The following WSCD2 variants were observed in gnomAD, a reference collection of about 807,000 sequenced individuals.
WSCD2 encodes the protein sialate:O-sulfotransferase 2.
WSCD2 carries 28 observed loss-of-function variants against 55.7 expected under a neutral mutation model. The observed-to-expected ratio is 0.50, with a 90% CI of 0.37 to 0.69. WSCD2 has a LOEUF of 0.69. WSCD2 is among the 30% of genes least tolerant of loss of function. The pLI is 0.00. For synonymous variants in WSCD2, 301 were observed against 301.9 expected (o/e 1.00, Z 0.03); for missense variants, 616 against 762.1 (o/e 0.81, Z 2.26).
chr12:108,219,612 C>T (rs1430842338), intron 4 of WSCD2, among the ~76,000 whole-genome samples: 1 of 152,190 alleles, frequency 6.6e-6, no homozygotes, highest in African/African-American at 2.4e-5. Flanking sequence ...TGCACAAACA[C>T]CACTCACTTC....
intron 1 of WSCD2, among the ~76,000 whole-genome samples, chr12:108,130,477 T>G (rs200371570): frequency 0.01 from 217 of 21,318 alleles, 1 homozygote; most frequent in Middle Eastern, 0.029. Flanking sequence ...CATTCTGGGG[T>G]GTGTGTGTGT....
At chr12:108,226,872 A>T in intron 5 of WSCD2, 118 bp from the exon 6 acceptor site, 1 of 1,269,222 alleles carries the variant, frequency 7.9e-7, no homozygotes, top group Non-Finnish European at 1.1e-6. Flanking sequence ...CCCTCAAGTT[A>T]AGGGAGACTG....
At chr12:108,131,467 C>CCA (rs1341780293) in intron 1 of WSCD2, among the ~76,000 whole-genome samples, 1 of 152,220 alleles carries the variant, frequency 6.6e-6, no homozygotes, top group Non-Finnish European at 1.5e-5. Context: ...CACGCTTCGG[C>CCA]TCCTCCACTG....
chr12:108,153,437 G>A (rs2136919893), intron 1 of WSCD2, among the ~76,000 whole-genome samples: 1 of 152,350 alleles, frequency 6.6e-6, no homozygotes, highest in East Asian at 1.9e-4. Context: ...AACCTTGGAA[G>A]AGTGATGGCA....
rs548240220 is a variant in WSCD2 at position 108,163,864 on chromosome 12, C to T, written c.-551-31418C>T. Among the ~76,000 whole-genome samples the T allele has an allele frequency of 8.1e-4, 123 of 152,134 alleles. 3 individuals are homozygous for T. In the Middle Eastern group the frequency reaches 0.017, roughly 21 times the overall value. On this transcript the variant is annotated intron_variant, in intron 1 of 8. Transcript: ENST00000547525. ...TAGAATGAACTTATGTTTTTTTAAG[C>T]TAGTAAGTTTGTGGTCATATGTTAC...
intron 4 of WSCD2, among the ~76,000 whole-genome samples, chr12:108,219,772 C>T (rs1593064091): frequency 6.6e-6 from 1 of 152,224 alleles, no homozygotes; most frequent in Admixed American, 6.5e-5. Flanking sequence ...AGGACAACCC[C>T]AAAGGGGCCT....
intron 2 of WSCD2, among the ~76,000 whole-genome samples, chr12:108,198,369 T>G (rs1046849850): frequency 6.6e-6 from 1 of 152,180 alleles, no homozygotes; most frequent in Non-Finnish European, 1.5e-5. Context: ...TTCCTCCAAG[T>G]CTCATCTTTG....
chr12:108,150,659 G>A (rs761671810), intron 1 of WSCD2, among the ~76,000 whole-genome samples: 1 of 152,124 alleles, frequency 6.6e-6, no homozygotes, highest in African/African-American at 2.4e-5. Flanking sequence ...GCAGGACCCC[G>A]ATATGCAGTC....
intron 1 of WSCD2, among the ~76,000 whole-genome samples, chr12:108,189,038 C>T (rs934094476): frequency 2.6e-5 from 4 of 151,978 alleles, no homozygotes; most frequent in African/African-American, 4.8e-5. Context: ...TTTATCATAG[C>T]GTTACTTATT....
intron 7 of WSCD2, among the ~76,000 whole-genome samples, chr12:108,238,390 G>A (rs1195613035): frequency 6.6e-6 from 1 of 152,206 alleles, no homozygotes. Context: ...GTGGCCATGT[G>A]AGAAAGGCTG....
At chr12:108,153,055 A>T (rs547397103) in intron 1 of WSCD2, among the ~76,000 whole-genome samples, 13 of 151,960 alleles carry the variant, frequency 8.6e-5, no homozygotes, top group Admixed American at 2.0e-4. Flanking sequence ...GTGAGCCGAG[A>T]TCACACCACT....
At chr12:108,215,505 A>T (rs1237834390) in intron 4 of WSCD2, among the ~76,000 whole-genome samples, 1 of 152,218 alleles carries the variant, frequency 6.6e-6, no homozygotes, top group African/African-American at 2.4e-5. Flanking sequence ...AGAAGCACCC[A>T]ATTCAAGTGA....
At position 108,195,646 on chromosome 12, in the gene WSCD2, C is replaced by T. The variant is rs1883814526; in HGVS notation, c.-187C>T. 2.5e-6 allele frequency: 2 copies of T among 805,222 alleles called. No homozygotes were observed. The highest frequency in any genetic ancestry group is 5.5e-5 in the East Asian group (2 of 36,396). The allele number at this position is 805,222 out of a possible 1,614,324, so 49.9% of individuals were successfully genotyped here. On this transcript the variant is annotated 5_prime_UTR_variant, in exon 2 of 9. Coordinates refer to ENST00000547525, the MANE Select transcript of WSCD2 (RefSeq NM_014653.4). ...AGGGCTGGTAAGCTCCATCCTTTCT[C>T]ATGGCCTCAGCCAAGCATTGAACTT...
chr12:108,208,269 G>T lies in WSCD2; in HGVS notation c.498-1852G>T, dbSNP rs77395148. 1.5e-3 allele frequency among the ~76,000 whole-genome samples: 229 copies of T among 152,328 alleles called. 2 individuals are homozygous for T. The East Asian group carries it at 0.041, about 27-fold the overall frequency. On this transcript the variant is annotated intron_variant, in intron 3 of 8. Transcript: ENST00000547525. ...AGTTTATAACAGTTAAAAAGCACTT[G>T]TTCTGTGCCAGGCACTGTCTGAGCA... is the stretch of plus-strand genomic sequence containing the variant.
chr12:108,173,833 T>C (rs1488590360), intron 1 of WSCD2, among the ~76,000 whole-genome samples: 2 of 151,336 alleles, frequency 1.3e-5, no homozygotes, highest in African/African-American at 2.4e-5. Context: ...TGTGTGTGTG[T>C]GTGTGTGTGT....
At chr12:108,204,018 A>G (rs1885025959) in intron 2 of WSCD2, among the ~76,000 whole-genome samples, 1 of 152,258 alleles carries the variant, frequency 6.6e-6, no homozygotes, top group Non-Finnish European at 1.5e-5. Flanking sequence ...CAGTCAGAAC[A>G]TACACCATAT....
At chr12:108,154,936 G>A (rs765870626) in intron 1 of WSCD2, among the ~76,000 whole-genome samples, 7 of 152,142 alleles carry the variant, frequency 4.6e-5, no homozygotes, top group Non-Finnish European at 8.8e-5. Context: ...TTTAAGAAGA[G>A]TTTATCTGTG....
At chr12:108,238,481 C>A (rs1425816855) in intron 7 of WSCD2, among the ~76,000 whole-genome samples, 1 of 152,206 alleles carries the variant, frequency 6.6e-6, no homozygotes, top group Non-Finnish European at 1.5e-5. Flanking sequence ...AAAGCCAGAG[C>A]ACAACAGGGA....
At chr12:108,194,555 T>C (rs1053593380) in intron 1 of WSCD2, among the ~76,000 whole-genome samples, 1 of 152,162 alleles carries the variant, frequency 6.6e-6, no homozygotes, top group South Asian at 2.1e-4. Flanking sequence ...TTACCTCTCA[T>C]AGGAATGTTG....
Sources: allele counts gnomAD v4.1 joint callset (sites outside exome capture counted in the v4.1 genomes callset), GRCh38; gene constraint gnomAD v4.1.1; transcripts MANE v1.5; gene names NCBI Gene and HGNC (gene_info 2026-07-23, HGNC 2026-07-21).